Variants in ARHGAP21 observed in about 807,000 individuals in gnomAD.
The protein encoded by ARHGAP21 is Rho GTPase activating protein 21.
A neutral mutation model predicts 164.6 loss-of-function variants in ARHGAP21; 38 were observed. That is an observed-to-expected ratio of 0.23 (90% confidence interval 0.18 to 0.30). The LOEUF (loss-of-function observed/expected upper bound fraction) is 0.30, where lower values mean the gene tolerates loss of function less well. ARHGAP21 is among the 10% of genes least tolerant of loss of function. The probability of loss-of-function intolerance (pLI) is 1.00; values close to 1 mark genes in which losing one functional copy is unlikely to be tolerated. For missense variants in ARHGAP21, 1,822 were observed against 2,370.7 expected, an observed-to-expected ratio of 0.77 and a Z score of 4.81; for synonymous variants, 766 against 857.9, an observed-to-expected ratio of 0.89 and a Z score of 1.87.
chr10:24,709,059 GA>G (rs1481038695), intron 2 of ARHGAP21, among the ~76,000 whole-genome samples: 1 of 152,072 alleles, frequency 6.6e-6, no homozygotes, highest in African/African-American at 2.4e-5. Context: ...AAAAAAATCA[GA>G]TATGAAAAAG....
rs1311296570 is a variant in ARHGAP21, at chr10:24,674,407, G to A, written c.64-4010C>T. On this transcript the variant is annotated intron_variant, in intron 2 of 25. Coordinates refer to ENST00000396432, the MANE Select transcript of ARHGAP21 (RefSeq NM_020824.4). ...AAATTAGCCAGGTGTGGTGGCATGC[G>A]CCTGTAATCCCAGCTACTCAGGAGA... Among the ~76,000 whole-genome samples, 5 of 152,212 alleles carry A rather than the reference G, an allele frequency of 3.3e-5. No homozygotes were observed. In the East Asian group the frequency reaches 9.7e-4, roughly 29 times the overall value.
chr10:24,689,926 A>ATG lies in ARHGAP21; in HGVS notation c.64-19531_64-19530dup, dbSNP rs1842595307. ...TATATACATGTATATATGTATATGTATGTATATGTATATATGTATATGTGT... is the reference window on the plus strand; with the variant it reads ...TATATACATGTATATATGTATATGTATGTGTATATGTATATATGTATATGTGT... On this transcript the variant is annotated intron_variant, in intron 2 of 25. Transcript: ENST00000396432. Among the ~76,000 whole-genome samples, 173 of 37,144 alleles carry ATG rather than the reference A, an allele frequency of 4.7e-3. 4 individuals carry two copies. Among genetic ancestry groups the ATG allele is most frequent in the African/African-American group, 0.015 (139 of 9,464 alleles). The allele number at this position is 37,144 out of a possible 152,430, so 24.4% of individuals were successfully genotyped here. A position where few individuals can be genotyped will look rare whatever the true frequency, so the allele number is the denominator to read the frequency against.
chr10:24,593,636 G>A (rs1037768778), intron 21 of ARHGAP21, among the ~76,000 whole-genome samples: 1 of 105,018 alleles, frequency 9.5e-6, no homozygotes, highest in Non-Finnish European at 2.2e-5. Flanking sequence ...AAGATTCAGT[G>A]TAATTAAAGA....
chr10:24,645,854 C>T (rs1054797651), intron 4 of ARHGAP21, among the ~76,000 whole-genome samples: 3 of 152,076 alleles, frequency 2.0e-5, no homozygotes, highest in Non-Finnish European at 2.9e-5. Context: ...ATGGTGACAA[C>T]TGCAATGGAG....
chr10:24,612,526 G>C (rs542791266), intron 9 of ARHGAP21, among the ~76,000 whole-genome samples: 1 of 152,296 alleles, frequency 6.6e-6, no homozygotes, highest in South Asian at 2.1e-4. Flanking sequence ...TTAGGGAAAA[G>C]GAGAGGAAAT....
At chr10:24,705,405 C>T (rs1238866388) in intron 2 of ARHGAP21, among the ~76,000 whole-genome samples, 1 of 152,198 alleles carries the variant, frequency 6.6e-6, no homozygotes, top group African/African-American at 2.4e-5. Flanking sequence ...GACTAAATGA[C>T]CTTCTCCATC....
chr10:24,663,910 T>C (rs968128722), intron 4 of ARHGAP21, among the ~76,000 whole-genome samples: 1 of 152,138 alleles, frequency 6.6e-6, no homozygotes, highest in Admixed American at 6.5e-5. Context: ...GATGCCAATA[T>C]ATACTCCCCC....
chr10:24,621,005 C>T lies in ARHGAP21; in HGVS notation c.890G>A (p.Arg297Lys). Residue 297 changes from arginine (R) to lysine (K), a missense_variant, in exon 9 of 26, where the codon AGA (arginine) becomes AAA (lysine). By Grantham distance (26) the Arg-to-Lys change is conservative. Coordinates refer to ENST00000396432, the MANE Select transcript of ARHGAP21 (RefSeq NM_020824.4). ...CACGCCATACCTCACTTCTTCAGTT[C>T]TATGTGAAGGACCTGTATGGTTGTT... ...NRNNHTGPSH[R>K]TEEVRYGVSE... 6.2e-7 allele frequency: 1 copy of T among 1,614,000 alleles called. No homozygotes were observed. The highest frequency in any genetic ancestry group is 1.1e-5 in the South Asian group (1 of 91,078).
intron 2 of ARHGAP21, among the ~76,000 whole-genome samples, chr10:24,702,025 G>A (rs1033503107): frequency 2.6e-5 from 4 of 151,904 alleles, no homozygotes; most frequent in African/African-American, 9.7e-5. Context: ...TCTTGTATCT[G>A]GCTCCATTAT....
intron 12 of ARHGAP21, among the ~76,000 whole-genome samples, chr10:24,603,921 G>C (rs140123257): frequency 1.3e-5 from 2 of 152,024 alleles, no homozygotes; most frequent in African/African-American, 4.8e-5. Context: ...GCTTGAACCC[G>C]GGAGGTGGAG....
chr10:24,692,690 G>A (rs1047449104), intron 2 of ARHGAP21, among the ~76,000 whole-genome samples: 1 of 152,136 alleles, frequency 6.6e-6, no homozygotes, highest in Admixed American at 6.5e-5. Context: ...AAAGTAGCTG[G>A]GAGTGGTGGC....
At chr10:24,692,098 A>G (rs531518962) in intron 2 of ARHGAP21, among the ~76,000 whole-genome samples, 2 of 152,152 alleles carry the variant, frequency 1.3e-5, no homozygotes, top group Admixed American at 6.5e-5. Flanking sequence ...AGGTGTTCAG[A>G]TTTTTCTTGA....
At chr10:24,614,557 T>G (rs895118397) in intron 9 of ARHGAP21, among the ~76,000 whole-genome samples, 11 of 151,156 alleles carry the variant, frequency 7.3e-5, no homozygotes, top group South Asian at 4.2e-4. Flanking sequence ...CTTTGGGAGG[T>G]TGAGGCAGGC....
At position 24,622,719 on chromosome 10, in the gene ARHGAP21, T is replaced by C. The variant is rs766294731; in HGVS notation, c.525+14A>G. 1 of 1,607,032 alleles carries C rather than the reference T, an allele frequency of 6.2e-7. No individual in the cohort carries two copies. The highest frequency in any genetic ancestry group is 8.5e-7 in the Non-Finnish European group (1 of 1,177,486). ...ACTTAAAAAGCAAGGAAATGGCTAC[T>C]GTGCATTTCTTACCAGTGCTGTGAC... On this transcript the variant is annotated intron_variant, in intron 8 of 25. Transcript: ENST00000396432.
At chr10:24,655,911 G>A (rs1458728356) in intron 4 of ARHGAP21, among the ~76,000 whole-genome samples, 20 of 114,784 alleles carry the variant, frequency 1.7e-4, no homozygotes, top group African/African-American at 5.5e-4. Flanking sequence ...CCGAGACCCC[G>A]TCTGGGAGGT....
In ARHGAP21 at chr10:24,667,004, T is replaced by G. The variant is rs761220441; in HGVS notation, c.249A>C (p.Glu83Asp). 2 of 1,414,288 alleles carry G rather than the reference T, an allele frequency of 1.4e-6. No homozygotes were observed. Among genetic ancestry groups the G allele is most frequent in the Admixed American group, 4.3e-5 (2 of 46,210 alleles). 87.6% of individuals were successfully genotyped at this position (1,414,288 alleles called of 1,614,324 possible). A position where few individuals can be genotyped will look rare whatever the true frequency, so the allele number is the denominator to read the frequency against. The change falls in exon 4 of 26, where the codon GAA becomes GAC. Residue 83 changes from glutamate to aspartate, a missense_variant. Coordinates refer to ENST00000396432, the MANE Select transcript of ARHGAP21 (RefSeq NM_020824.4). ...GCATACCTCCTCTGTTTCCATTTTC[T>G]TCATCCTACAAATGAAAATATATAT... ...ESAIQFSYKD[E>D]ENGNRGGKQR... is the part of the protein sequence containing the mutation.
rs144867547 is a variant in ARHGAP21, at chr10:24,619,618, T to C, written c.2277A>G (p.Ala759=). ...CTGACCCGGTCTCCTGGTCATTTAC[T>C]GCCAAGATGTAAGACTGATGCCTTA... The part of the protein sequence containing the change: ...QPLRHQSYIL[A]VNDQETGSDT... Residue 759 remains alanine, a synonymous_variant, in exon 9 of 26, where the codon GCA becomes GCG. Transcript: ENST00000396432. 143 of 1,614,094 alleles carry C rather than the reference T, an allele frequency of 8.9e-5. No individual in the cohort carries two copies. Among genetic ancestry groups the C allele is most frequent in the Non-Finnish European group, 1.2e-4 (137 of 1,180,042 alleles).
chr10:24,710,977 C>T (rs1243520780), intron 2 of ARHGAP21, among the ~76,000 whole-genome samples: 1 of 151,438 alleles, frequency 6.6e-6, no homozygotes, highest in East Asian at 1.9e-4. Context: ...GCCTGTAGTC[C>T]CAGCTACTTG....
intron 4 of ARHGAP21, among the ~76,000 whole-genome samples, chr10:24,655,975 T>C (rs1288345862): frequency 4.4e-5 from 5 of 114,810 alleles, no homozygotes; most frequent in Admixed American, 2.4e-4. Context: ...ACCCTCTGCC[T>C]GGCAACCACC....
Sources: gnomAD v4.1 joint callset for allele counts (sites outside exome capture counted in the v4.1 genomes callset) on GRCh38, gnomAD v4.1.1 for gene constraint, MANE v1.5 for transcripts, NCBI Gene and HGNC (gene_info 2026-07-23, HGNC 2026-07-21) for gene names.